The following EML1 variants were observed in gnomAD, a reference collection of about 807,000 sequenced individuals.
The protein encoded by EML1 is echinoderm microtubule-associated protein-like 1.
In EML1, 27 loss-of-function variants were observed where a neutral mutation model predicts 110.4. The ratio of observed to expected loss-of-function variants is 0.24; its 90% CI spans 0.18 to 0.34. The LOEUF (loss-of-function observed/expected upper bound fraction) is 0.34. Among genes scored for constraint, EML1 ranks in the 10% least tolerant of loss-of-function variants. The pLI is 1.00. For synonymous variants in EML1, 344 were observed against 385.8 expected, an observed-to-expected ratio of 0.89 and a Z score of 1.27; for missense variants, 741 against 1,030.9, an observed-to-expected ratio of 0.72 and a Z score of 3.85.
In EML1 at chr14:99,905,172, A is replaced by G. The variant is rs1010508548; in HGVS notation, c.1009-2466A>G. ...ATCCAGCTGGCTGCACCACAGCCCT[A>G]GGGGCCAAGCCACATCATAAAGGAA... On this transcript the variant is annotated intron_variant, in intron 9 of 21. Coordinates refer to ENST00000262233, the MANE Select transcript of EML1 (RefSeq NM_004434.3). The surrounding 1 kb of genome is among the most constrained non-coding windows in gnomAD (Gnocchi z 4.1). 7.7e-4 allele frequency among the ~76,000 whole-genome samples: 118 copies of G among 152,262 alleles called. No individual in the cohort carries two copies. Among genetic ancestry groups the G allele is most frequent in the Middle Eastern group, 3.4e-3 (1 of 294 alleles).
intron 1 of EML1, among the ~76,000 whole-genome samples, chr14:99,767,780 T>C (rs933032398): frequency 6.6e-6 from 1 of 152,182 alleles, no homozygotes; most frequent in Non-Finnish European, 1.5e-5. Context: ...TGTCTTGCAT[T>C]ACTGTTGGCT....
At chr14:99,894,251 T>C (rs996413131) in intron 5 of EML1, among the ~76,000 whole-genome samples, 1 of 152,238 alleles carries the variant, frequency 6.6e-6, no homozygotes, top group Non-Finnish European at 1.5e-5. Flanking sequence ...TGTGTATACA[T>C]TGAACTCAAA....
chr14:99,739,119 A>AGAGTGT (rs1258318282), intron 1 of EML1, among the ~76,000 whole-genome samples: 175 of 134,980 alleles, frequency 1.3e-3, no homozygotes, highest in African/African-American at 4.9e-3. Context: ...AGAGAGAGAG[A>AGAGTGT]GTGTGTGTGT....
chr14:99,893,103 G>A (rs1053064101), intron 5 of EML1, among the ~76,000 whole-genome samples: 1 of 152,096 alleles, frequency 6.6e-6, no homozygotes, highest in African/African-American at 2.4e-5. Context: ...AGGGTGTAGA[G>A]GGGGGCAAAG....
At chr14:99,826,613 C>G (rs1240852521) in intron 1 of EML1, among the ~76,000 whole-genome samples, 1 of 152,072 alleles carries the variant, frequency 6.6e-6, no homozygotes, top group African/African-American at 2.4e-5. Context: ...GAGCCCCTGC[C>G]CCATTGTGAA....
chr14:99,835,258 A>G lies in EML1; in HGVS notation c.68-15595A>G, dbSNP rs142486658. Among the ~76,000 whole-genome samples, 513 of 152,292 alleles carry G rather than the reference A, an allele frequency of 3.4e-3. 5 individuals are homozygous for G. Among genetic ancestry groups the G allele is most frequent in the African/African-American group, 0.012 (490 of 41,562 alleles). On this transcript the variant is annotated intron_variant, in intron 1 of 21. Transcript: ENST00000262233. ...TCTAAGTTACTGAATTTATTGGCAT[A>G]AAGTTTTTAAAAATATTTCTTTATC... is the stretch of plus-strand genomic sequence containing the variant.
At chr14:99,889,767 A>G (rs563374600) in intron 4 of EML1, among the ~76,000 whole-genome samples, 47 of 152,320 alleles carry the variant, frequency 3.1e-4, no homozygotes, top group African/African-American at 1.1e-3. Flanking sequence ...TGCAGATTGG[A>G]TAGGGCCTTG....
chr14:99,919,425 GAC>G (rs376238109), intron 16 of EML1, among the ~76,000 whole-genome samples: 4,242 of 97,356 alleles, frequency 0.044, 169 homozygotes, highest in African/African-American at 0.11. Flanking sequence ...CATGCACACA[GAC>G]ACACACACAC....
At chr14:99,796,599 C>T (rs577686085) in intron 1 of EML1, among the ~76,000 whole-genome samples, 1 of 150,978 alleles carries the variant, frequency 6.6e-6, no homozygotes, top group South Asian at 2.1e-4. Context: ...CTCAAGCAGT[C>T]CTACCTCAGT....
intron 1 of EML1, among the ~76,000 whole-genome samples, chr14:99,752,312 A>G (rs993901096): frequency 6.6e-6 from 1 of 152,072 alleles, no homozygotes; most frequent in African/African-American, 2.4e-5. Context: ...ACACACACCC[A>G]CAGTCCTACA....
intron 17 of EML1, among the ~76,000 whole-genome samples, chr14:99,933,244 C>T (rs750697273): frequency 6.6e-6 from 1 of 152,170 alleles, no homozygotes; most frequent in Non-Finnish European, 1.5e-5. Context: ...GGCGCAATCT[C>T]GGCTCACTGC....
At chr14:99,770,377 T>TTCTATCTATCTATCTATCTATCTATCTA (rs143789356), upstream of EML1, among the ~76,000 whole-genome samples, 23 of 150,306 alleles carry the variant, frequency 1.5e-4, no homozygotes, top group East Asian at 5.9e-4. Context: ...AAAAATTTCT[T>TTCTATCTATCTATCTATCTATCTATCTA]TCTATCTATC....
At position 99,783,175 on chromosome 14, in the gene EML1, T is replaced by C. The variant is rs1459161874; in HGVS notation, c.-27+9162T>C. On this transcript the variant is annotated intron_variant, in intron 1 of 22. Coordinates refer to the EML1 transcript ENST00000327921. ...ACCCACAACAGGCCCTGGTGTGTGATGTTCCCCTTCCTGTGTCCAAGTGTT... is the reference window on the plus strand; with the variant it reads ...ACCCACAACAGGCCCTGGTGTGTGACGTTCCCCTTCCTGTGTCCAAGTGTT... Among the ~76,000 whole-genome samples the C allele has an allele frequency of 2.5e-5, 3 of 122,430 alleles. No homozygotes were observed. In the East Asian group the frequency reaches 8.4e-4, roughly 34 times the overall value. 80.3% of individuals were successfully genotyped at this position (122,430 alleles called of 152,430 possible).
intron 1 of EML1, among the ~76,000 whole-genome samples, chr14:99,806,010 G>T (rs1458282794): frequency 1.3e-5 from 2 of 152,092 alleles, no homozygotes; most frequent in South Asian, 2.1e-4. Flanking sequence ...CGACTTTCTT[G>T]TCTCTGTGCA....
At chr14:99,760,365 C>G (rs866615538) in intron 1 of EML1, among the ~76,000 whole-genome samples, 3 of 152,272 alleles carry the variant, frequency 2.0e-5, no homozygotes, top group Admixed American at 6.5e-5. Context: ...TTCCTCCCCC[C>G]ACCCTTATGT....
chr14:99,878,925 T>C (rs1301175896), intron 4 of EML1, among the ~76,000 whole-genome samples: 1 of 152,242 alleles, frequency 6.6e-6, no homozygotes, highest in Non-Finnish European at 1.5e-5. Flanking sequence ...GAAGCCATTC[T>C]GAATTTCTAC....
At chr14:99,744,084 T>C (rs1292040435) in intron 1 of EML1, among the ~76,000 whole-genome samples, 1 of 152,176 alleles carries the variant, frequency 6.6e-6, no homozygotes, top group Non-Finnish European at 1.5e-5. Flanking sequence ...TTTTTGCACT[T>C]TGATTTCAAA....
At chr14:99,914,780 G>T (rs2060006065) in intron 15 of EML1, 83 bp downstream of exon 15, 2 of 1,487,296 alleles carry the variant, frequency 1.3e-6, no homozygotes, top group Non-Finnish European at 1.8e-6. Context: ...GAAATCAACA[G>T]TGATACAAAG....
At chr14:99,915,756 G>T (rs1311030072) in intron 15 of EML1, among the ~76,000 whole-genome samples, 1 of 152,170 alleles carries the variant, frequency 6.6e-6, no homozygotes, top group Non-Finnish European at 1.5e-5. Context: ...GCACTGCAGC[G>T]AATCGGAAGC....
Sources: allele counts gnomAD v4.1 joint callset (sites outside exome capture counted in the v4.1 genomes callset), GRCh38; gene constraint gnomAD v4.1.1; non-coding constraint Gnocchi (gnomAD v3.1); transcripts MANE v1.5; gene names NCBI Gene and HGNC (gene_info 2026-07-23, HGNC 2026-07-21).